GABRG3: variants seen among roughly 807,000 people sequenced by gnomAD.
The protein encoded by GABRG3 is gamma-aminobutyric acid type A receptor subunit gamma3, also known as gamma-aminobutyric acid receptor subunit gamma-3.
Under a neutral mutation model 48.8 loss-of-function variants are expected in GABRG3, and 25 were observed. That is an observed-to-expected ratio of 0.51 (90% CI 0.37 to 0.72). The LOEUF is 0.72. Among genes scored for constraint, GABRG3 ranks in the 30% least tolerant of loss-of-function variants. The pLI, the probability that GABRG3 is intolerant of heterozygous loss-of-function variation, is 0.00. For synonymous variants in GABRG3, 227 were observed against 217.6 expected (o/e 1.04, Z -0.38); for missense variants, 394 against 577.9 (o/e 0.68, Z 3.26).
chr15:27,288,202 T>C (rs1891680417), intron 3 of GABRG3, among the ~76,000 whole-genome samples: 1 of 152,172 alleles, frequency 6.6e-6, no homozygotes, highest in Admixed American at 6.5e-5. Flanking sequence ...GTTTTCATCT[T>C]TTTTGGCACC....
In GABRG3 at chr15:26,975,310, C is replaced by T. The variant is rs925854162; in HGVS notation, c.54-1692C>T. 3.3e-5 allele frequency among the ~76,000 whole-genome samples: 5 copies of T among 152,122 alleles called. No individual in the cohort carries two copies. The highest frequency in any genetic ancestry group is 6.5e-5 in the Admixed American group (1 of 15,272). ...CCCACATTTAAAAATTCCTATCGAT[C>T]GTGAATATCCAATGTGCATAAAAAT... is the stretch of plus-strand genomic sequence containing the variant. On this transcript the variant is annotated intron_variant, in intron 1 of 9. Transcript: ENST00000615808. The surrounding 1 kb of genome is among the most constrained non-coding windows in gnomAD (Gnocchi z 4.6).
chr15:27,028,851 C>T (rs1357084341), intron 3 of GABRG3, among the ~76,000 whole-genome samples: 1 of 151,550 alleles, frequency 6.6e-6, no homozygotes, highest in Non-Finnish European at 1.5e-5. Context: ...TAGTCAGACC[C>T]CTCTCTCCCT....
intron 3 of GABRG3, among the ~76,000 whole-genome samples, chr15:27,073,827 T>G (rs554941358): frequency 3.9e-5 from 6 of 152,222 alleles, no homozygotes; most frequent in African/African-American, 9.6e-5. Context: ...AAGGCTCAAC[T>G]GAGGAAGGAT....
chr15:27,122,397 G>T (rs1897746246), intron 3 of GABRG3, among the ~76,000 whole-genome samples: 1 of 152,192 alleles, frequency 6.6e-6, no homozygotes. Context: ...TATCTTCTTT[G>T]ACAGTTGAAG....
intron 3 of GABRG3, among the ~76,000 whole-genome samples, chr15:27,301,676 C>T (rs1892212933): frequency 6.6e-6 from 1 of 151,676 alleles, no homozygotes; most frequent in Admixed American, 6.6e-5. Flanking sequence ...AAATATAAAA[C>T]AGTTAAAAAC....
At chr15:27,466,687 C>T (rs746759339) in intron 5 of GABRG3, among the ~76,000 whole-genome samples, 26 of 152,168 alleles carry the variant, frequency 1.7e-4, no homozygotes, top group Admixed American at 7.2e-4. Flanking sequence ...GGCTGCTGCT[C>T]CTCTTAAACC....
chr15:27,237,262 G>A (rs565767058), intron 3 of GABRG3, among the ~76,000 whole-genome samples: 4 of 152,244 alleles, frequency 2.6e-5, no homozygotes, highest in African/African-American at 7.2e-5. Flanking sequence ...ACCAGTATGA[G>A]TGAAGACCTA....
intron 6 of GABRG3, among the ~76,000 whole-genome samples, chr15:27,502,713 A>G (rs1034999332): frequency 6.6e-5 from 10 of 152,222 alleles, no homozygotes. Flanking sequence ...GGTTTGATCA[A>G]TTTTCTGGAA....
chr15:27,187,267 T>C (rs1010578762), intron 3 of GABRG3, among the ~76,000 whole-genome samples: 6 of 152,206 alleles, frequency 3.9e-5, no homozygotes, highest in African/African-American at 1.4e-4. Context: ...TTCTGTATTC[T>C]GTTCTATGGG....
At chr15:27,322,112 A>G (rs541794992) in intron 3 of GABRG3, among the ~76,000 whole-genome samples, 2 of 152,344 alleles carry the variant, frequency 1.3e-5, no homozygotes, top group East Asian at 3.9e-4. Context: ...CTTTGCAAAA[A>G]GGAAGGATGA....
chr15:27,189,390 C>G lies in GABRG3; in HGVS notation c.271-137419C>G, dbSNP rs1245713559. Among the ~76,000 whole-genome samples, 9 of 152,218 alleles carry G rather than the reference C, an allele frequency of 5.9e-5. 1 individual carries two copies. Among genetic ancestry groups the G allele is most frequent in the African/African-American group, 2.2e-4 (9 of 41,532 alleles). On this transcript the variant is annotated intron_variant, in intron 3 of 9. Coordinates refer to ENST00000615808, the MANE Select transcript of GABRG3 (RefSeq NM_033223.5). ...GAATGTTCTTCCATTTCTTTGTATC[C>G]TCTTTTATTTCATTGAGCAGTGGTT...
chr15:27,350,865 G>C (rs1392520507), intron 5 of GABRG3, among the ~76,000 whole-genome samples: 1 of 132,358 alleles, frequency 7.6e-6, no homozygotes, highest in African/African-American at 2.9e-5. Context: ...CCATGTATTT[G>C]TCCTTGTGAA....
chr15:27,119,081 ACCT>A (rs1407863066), intron 3 of GABRG3, among the ~76,000 whole-genome samples: 10 of 152,048 alleles, frequency 6.6e-5, no homozygotes, highest in African/African-American at 2.4e-4. Flanking sequence ...TTCTCCCTGT[ACCT>A]CCCTGTACCC....
At chr15:27,046,705 G>C (rs1896371470) in intron 3 of GABRG3, among the ~76,000 whole-genome samples, 1 of 152,176 alleles carries the variant, frequency 6.6e-6, no homozygotes, top group Non-Finnish European at 1.5e-5. Context: ...ATCCCTTTTG[G>C]ATATGTGAGG....
At chr15:27,136,973 G>A (rs1461219178) in intron 3 of GABRG3, among the ~76,000 whole-genome samples, 5 of 152,042 alleles carry the variant, frequency 3.3e-5, no homozygotes, top group Admixed American at 1.3e-4. Flanking sequence ...AGAGCCTGAC[G>A]CCCACCAGGA....
At chr15:27,022,742 A>G (rs1895919187) in intron 2 of GABRG3, among the ~76,000 whole-genome samples, 1 of 152,152 alleles carries the variant, frequency 6.6e-6, no homozygotes, top group Non-Finnish European at 1.5e-5. Context: ...GGCTGCTGTC[A>G]GGTCCCCCTT....
At chr15:27,460,121 T>G (rs1364167356) in intron 5 of GABRG3, among the ~76,000 whole-genome samples, 1 of 152,220 alleles carries the variant, frequency 6.6e-6, no homozygotes, top group Non-Finnish European at 1.5e-5. Flanking sequence ...TGGATAAATT[T>G]AAGTATTATA....
rs1437169221 is a variant in GABRG3, at chr15:27,540,935, AGCGC to A, written c.*8055_*8058del. 6.6e-6 allele frequency: 1 copy of A among 152,224 alleles called. No individual in the cohort carries two copies. The allele number at this position is 152,224 out of a possible 1,614,324, so 9.4% of individuals were successfully genotyped here. ...AATTTAGCTGAAACAAGTAGAAAGG[AGCGC>A]AGTTTTCTAGCGATAGCGTATTAGC... On this transcript the variant is annotated 3_prime_UTR_variant, in exon 10 of 10. Coordinates refer to ENST00000615808, the MANE Select transcript of GABRG3 (RefSeq NM_033223.5).
chr15:27,388,000 A>AAGGAAGGAAGGAAAGG (rs1187291685), intron 5 of GABRG3, among the ~76,000 whole-genome samples: 8 of 99,410 alleles, frequency 8.0e-5, no homozygotes, highest in African/African-American at 2.6e-4. Context: ...GTAAGGAAGG[A>AAGGAAGGAAGGAAAGG]AGGAAGGAAG....
Sources: allele counts gnomAD v4.1 joint callset (sites outside exome capture counted in the v4.1 genomes callset), GRCh38; gene constraint gnomAD v4.1.1; non-coding constraint Gnocchi (gnomAD v3.1); transcripts MANE v1.5; gene names NCBI Gene and HGNC (gene_info 2026-07-23, HGNC 2026-07-21).